PTPRD: variants seen among roughly 807,000 people sequenced by gnomAD.
The protein encoded by PTPRD is protein tyrosine phosphatase receptor type D.
Under a neutral mutation model 214.5 loss-of-function variants are expected in PTPRD, and 34 were observed. That is an observed-to-expected ratio of 0.16 (90% CI 0.12 to 0.21). The LOEUF is 0.21. Ranked by LOEUF, PTPRD falls within the 10% of genes least tolerant of loss-of-function variation. PTPRD has a pLI of 1.00. For synonymous variants in PTPRD, 1,128 were observed against 845.7 expected (o/e 1.33, Z -5.79); for missense variants, 2,545 against 2,398.7 (o/e 1.06, Z -1.27).
chr9:9,450,550 T>C (rs1319214182), intron 8 of PTPRD, among the ~76,000 whole-genome samples: 1 of 151,904 alleles, frequency 6.6e-6, no homozygotes, highest in Non-Finnish European at 1.5e-5. Context: ...AGAATTACTT[T>C]TGGAGTTTGT....
chr9:10,318,208 G>A (rs965766798), intron 3 of PTPRD, among the ~76,000 whole-genome samples: 3 of 151,866 alleles, frequency 2.0e-5, no homozygotes, highest in African/African-American at 7.3e-5. Context: ...GACTGCCTTT[G>A]GTTAAGTCAA....
chr9:10,349,100 T>G (rs931089717), intron 2 of PTPRD, among the ~76,000 whole-genome samples: 1 of 152,012 alleles, frequency 6.6e-6, no homozygotes, highest in African/African-American at 2.4e-5. Flanking sequence ...TATATAAAAA[T>G]TCAGACTCAC....
chr9:10,446,087 C>T (rs1407488627), intron 2 of PTPRD, among the ~76,000 whole-genome samples: 1 of 151,984 alleles, frequency 6.6e-6, no homozygotes, highest in African/African-American at 2.4e-5. Context: ...TTCAAGCCCA[C>T]ATGTTCAGCC....
rs180688278 is a variant in PTPRD, at chr9:10,360,158, A to G, written c.-599-19141T>C. Among the ~76,000 whole-genome samples, 506 of 152,356 alleles carry G rather than the reference A, an allele frequency of 3.3e-3. 5 individuals are homozygous for G. The highest frequency in any genetic ancestry group is 0.012 in the African/African-American group (479 of 41,580). On this transcript the variant is annotated intron_variant, in intron 2 of 45. Transcript: ENST00000381196. ...AATTTTATGTGATACATAGTAATAT[A>G]ATAAAACTAGAGGCTGGAAATTTGA...
chr9:9,372,131 G>A (rs370844100), intron 9 of PTPRD, among the ~76,000 whole-genome samples: 8 of 152,098 alleles, frequency 5.3e-5, no homozygotes, highest in East Asian at 1.9e-4. Flanking sequence ...TATTAGGTCC[G>A]CTTGGTGCAG....
intron 11 of PTPRD, among the ~76,000 whole-genome samples, chr9:8,793,359 T>A (rs10815949): frequency 0.36 from 54,010 of 152,060 alleles, 11,652 homozygotes; most frequent in Middle Eastern, 0.5. Flanking sequence ...GAAGTAAGAA[T>A]GCTTGTCAAC....
At chr9:9,588,347 C>T (rs1011941062) in intron 7 of PTPRD, among the ~76,000 whole-genome samples, 12 of 151,918 alleles carry the variant, frequency 7.9e-5, no homozygotes, top group Non-Finnish European at 2.9e-5. Context: ...GTTACATTTT[C>T]TATTTTGACA....
chr9:9,419,655 T>C (rs1416967830), intron 8 of PTPRD, among the ~76,000 whole-genome samples: 1 of 151,638 alleles, frequency 6.6e-6, no homozygotes. Flanking sequence ...TAAAACCCAG[T>C]TTATTAGTTA....
At chr9:10,052,436 C>G (rs765901907) in intron 3 of PTPRD, among the ~76,000 whole-genome samples, 1 of 152,076 alleles carries the variant, frequency 6.6e-6, no homozygotes, top group African/African-American at 2.4e-5. Context: ...ATCTGTTCAA[C>G]TGTAACTTGA....
Position 10,559,859 on chromosome 9 carries a change from A to T in PTPRD, c.-600+52539T>A, listed in dbSNP as rs537319091. On this transcript the variant is annotated intron_variant, in intron 2 of 45. Coordinates refer to ENST00000381196, the MANE Select transcript of PTPRD (RefSeq NM_002839.4). Reference sequence around the variant, plus strand: ...AAATGCAAATCAAAACCACAATGAGATATCATCTCACACCAGTTAGAATGG... The same window carrying T: ...AAATGCAAATCAAAACCACAATGAGTTATCATCTCACACCAGTTAGAATGG... Among the ~76,000 whole-genome samples the T allele has an allele frequency of 7.6e-3, 1,157 of 152,234 alleles. 10 individuals carry two copies. Among genetic ancestry groups the T allele is most frequent in the Non-Finnish European group, 0.012 (849 of 67,990 alleles).
chr9:9,725,971 C>T (rs565950275), intron 7 of PTPRD, among the ~76,000 whole-genome samples: 3 of 152,128 alleles, frequency 2.0e-5, no homozygotes, highest in South Asian at 4.1e-4. Context: ...AAGACAAATC[C>T]CAACCAAGCC....
intron 14 of PTPRD, among the ~76,000 whole-genome samples, chr9:8,589,523 T>G (rs2093936844): frequency 6.6e-6 from 1 of 152,238 alleles, no homozygotes; most frequent in African/African-American, 2.4e-5. Flanking sequence ...TCTAATTATC[T>G]GAATTAACCA....
intron 2 of PTPRD, among the ~76,000 whole-genome samples, chr9:10,427,909 C>G (rs2098638787): frequency 6.6e-6 from 1 of 152,072 alleles, no homozygotes. Context: ...CACATTTTAA[C>G]TTAAGCATAT....
chr9:9,320,783 T>C (rs1330140667), intron 9 of PTPRD, among the ~76,000 whole-genome samples: 1 of 152,196 alleles, frequency 6.6e-6, no homozygotes, highest in Non-Finnish European at 1.5e-5. Context: ...TTTTCTACTT[T>C]TATGATACCT....
intron 2 of PTPRD, among the ~76,000 whole-genome samples, chr9:10,604,466 AT>A (rs2078804421): frequency 6.6e-6 from 1 of 151,856 alleles, no homozygotes; most frequent in African/African-American, 2.4e-5. Flanking sequence ...CCTAAAAAAA[AT>A]AAAAATAAAA....
At chr9:8,612,560 G>T (rs942585848) in intron 14 of PTPRD, among the ~76,000 whole-genome samples, 1 of 152,196 alleles carries the variant, frequency 6.6e-6, no homozygotes, top group African/African-American at 2.4e-5. Flanking sequence ...GTTATTACAT[G>T]GGAATGCATT....
intron 36 of PTPRD, among the ~76,000 whole-genome samples, chr9:8,394,036 A>C (rs2090396244): frequency 6.6e-6 from 1 of 152,084 alleles, no homozygotes; most frequent in Admixed American, 6.6e-5. Context: ...GCCATAGCAA[A>C]CAGCTATTTG....
At chr9:9,423,128 G>A (rs10124095) in intron 8 of PTPRD, among the ~76,000 whole-genome samples, 120,729 of 152,084 alleles carry the variant, frequency 0.79, 48,088 homozygotes, top group Non-Finnish European at 0.81. Flanking sequence ...CCTGCTAGAA[G>A]ATAGAGTGAA....
chr9:10,459,185 G>C (rs113229083), intron 2 of PTPRD, among the ~76,000 whole-genome samples: 1,825 of 152,230 alleles, frequency 0.012, 32 homozygotes, highest in African/African-American at 0.039. Flanking sequence ...TGCTGAGAAT[G>C]ATGGTTCCTA....
Sources: allele counts gnomAD v4.1 joint callset (sites outside exome capture counted in the v4.1 genomes callset), GRCh38; gene constraint gnomAD v4.1.1; transcripts MANE v1.5; gene names NCBI Gene and HGNC (gene_info 2026-07-23, HGNC 2026-07-21).